The following PLXNA1 variants were observed in gnomAD, a reference collection of about 807,000 sequenced individuals.
The protein encoded by PLXNA1 is plexin-A1.
A neutral mutation model predicts 191.7 loss-of-function variants in PLXNA1; 77 were observed. The ratio of observed to expected loss-of-function variants is 0.40; its 90% CI spans 0.33 to 0.49. PLXNA1 has a LOEUF of 0.49. Among genes scored for constraint, PLXNA1 ranks in the 20% least tolerant of loss-of-function variants. The pLI is 0.63. For missense variants in PLXNA1, 2,110 were observed against 2,660.2 expected (o/e 0.79, Z 4.55); for synonymous variants, 1,137 against 1,156.4 (o/e 0.98, Z 0.34).
intron 9 of PLXNA1, among the ~76,000 whole-genome samples, chr3:127,010,552 G>A (rs2107629915): frequency 6.6e-6 from 1 of 152,362 alleles, no homozygotes; most frequent in Non-Finnish European, 1.5e-5. Context: ...CCTGGCAGAG[G>A]GCAGGGGTGG....
intron 6 of PLXNA1, 25 bp from the exon 7 acceptor site, chr3:127,005,065 A>C (rs2079059359): frequency 6.2e-7 from 1 of 1,611,076 alleles, no homozygotes; most frequent in Non-Finnish European, 8.5e-7. Flanking sequence ...GACCCTGCTC[A>C]CCATGCCTCC....
rs1286575934 is a variant in PLXNA1 at position 127,014,645 on chromosome 3, G to C, written c.2756+16G>C. The C allele has an allele frequency of 6.2e-7, 1 of 1,612,496 alleles. No individual in the cohort carries two copies. The highest frequency in any genetic ancestry group is 8.5e-7 in the Non-Finnish European group (1 of 1,179,584). On this transcript the variant is annotated intron_variant, in intron 13 of 31. Coordinates refer to ENST00000393409, the MANE Select transcript of PLXNA1 (RefSeq NM_032242.4). ...GTGCGGAGCAGTGAGTGCAGCCCTG[G>C]GTGTGTGCGGGGCGGGACGGGACGG...
intron 22 of PLXNA1, 88 bp from the exon 23 acceptor site, chr3:127,022,664 G>C (rs1015032708): frequency 8.4e-7 from 1 of 1,195,042 alleles, no homozygotes; most frequent in Non-Finnish European, 1.2e-6. Flanking sequence ...GCAGGGTGGG[G>C]TGGGATCGGT....
chr3:127,027,656 G>A (rs1559965848), intron 23 of PLXNA1: 8 of 577,250 alleles, frequency 1.4e-5, no homozygotes, highest in South Asian at 7.6e-5. Context: ...CAGGTCCCGC[G>A]TGCCACGCCA....
intron 3 of PLXNA1, 45 bp from the exon 4 acceptor site, chr3:127,003,285 G>C: frequency 6.5e-7 from 1 of 1,533,102 alleles, no homozygotes; most frequent in African/African-American, 1.4e-5. Flanking sequence ...GGCTGGGTCA[G>C]GGAGGTATCA....
rs2078975152 is a variant in PLXNA1 at position 126,988,914 on chromosome 3, C to T, written c.321C>T (p.Gly107=). The change falls in exon 2 of 32, where the codon GGC becomes GGT. Residue 107 remains glycine (G), a synonymous_variant. Coordinates refer to ENST00000393409, the MANE Select transcript of PLXNA1 (RefSeq NM_032242.4). ...PPPSVQSCPH[G]LGSTDNVNKL... ...CCAGCGTGCAGTCCTGCCCCCACGG[C>T]CTGGGCAGTACTGACAACGTCAACA... The T allele has an allele frequency of 1.9e-6, 3 of 1,613,152 alleles. No individual in the cohort carries two copies. The African/African-American group carries it at 4.0e-5, about 22-fold the overall frequency.
intron 9 of PLXNA1, among the ~76,000 whole-genome samples, chr3:127,010,694 G>A (rs1439680341): frequency 6.6e-6 from 1 of 152,192 alleles, no homozygotes; most frequent in East Asian, 1.9e-4. Flanking sequence ...GCTGGGACCT[G>A]GGTTCTGGGG....
At chr3:127,004,116 C>T (rs1282362768) in intron 4 of PLXNA1, among the ~76,000 whole-genome samples, 1 of 152,230 alleles carries the variant, frequency 6.6e-6, no homozygotes, top group Non-Finnish European at 1.5e-5. Context: ...TTCCTCTGCC[C>T]CTCCTGGGCG....
chr3:127,028,362 TG>T, intron 25 of PLXNA1, 22 bp downstream of exon 25: 1 of 1,600,730 alleles, frequency 6.2e-7, no homozygotes, highest in Non-Finnish European at 8.5e-7. Context: ...GGGCCACGGC[TG>T]CCCGGGGTGT....
Position 127,029,917 on chromosome 3 carries a change from G to A in PLXNA1, c.4914G>A (p.Ser1638=), listed in dbSNP as rs141689637. The change falls in exon 28 of 32, where the codon TCG becomes TCA. Residue 1638 remains serine, a synonymous_variant. Coordinates refer to ENST00000393409, the MANE Select transcript of PLXNA1 (RefSeq NM_032242.4). ...CCAGCAGCCCCGACAGCCTGCGCTC[G>A]CGCACGCCCATGATCACGCCCGACC... The part of the protein sequence containing the change: ...RTASSPDSLR[S]RTPMITPDLE... The A allele has an allele frequency of 4.8e-5, 78 of 1,612,988 alleles. No individual in the cohort carries two copies. Among genetic ancestry groups the A allele is most frequent in the Non-Finnish European group, 5.8e-5 (69 of 1,179,766 alleles).
Position 127,017,891 on chromosome 3 carries a change from C to G in PLXNA1, c.3659C>G (p.Thr1220Arg). Residue 1220 changes from threonine (T) to arginine (R), a missense_variant and splice_region_variant, in exon 19 of 32, where the codon ACG becomes AGG. Coordinates refer to ENST00000393409, the MANE Select transcript of PLXNA1 (RefSeq NM_032242.4). ...APNLTGQHKV[T>R]VRAGGFEFSP... ...AACCTCACTGGGCAGCACAAGGTCA[C>G]GGTGCGTCTGTCCACCGGGGGTGCA... 6.2e-7 allele frequency: 1 copy of G among 1,612,176 alleles called. No homozygotes were observed. Among genetic ancestry groups the G allele is most frequent in the Non-Finnish European group, 8.5e-7 (1 of 1,179,984 alleles).
At chr3:127,021,410 C>T (rs73861747) in intron 21 of PLXNA1, among the ~76,000 whole-genome samples, 4,863 of 152,258 alleles carry the variant, frequency 0.032, 248 homozygotes, top group African/African-American at 0.11. Context: ...TGGGCTCTGC[C>T]TAATAGGGAA....
At chr3:126,994,595 G>C (rs1445448348) in intron 3 of PLXNA1, among the ~76,000 whole-genome samples, 2 of 152,178 alleles carry the variant, frequency 1.3e-5, no homozygotes, top group Admixed American at 6.5e-5. Flanking sequence ...ACTCCAGTGC[G>C]AGGCCTCTGG....
intron 1 of PLXNA1, among the ~76,000 whole-genome samples, 172 bp downstream of exon 1, chr3:126,983,459 C>G (rs2078941020): frequency 6.8e-6 from 1 of 146,074 alleles, no homozygotes; most frequent in Non-Finnish European, 1.5e-5. Context: ...CGCGTGGGGA[C>G]TGCGGCGCGC....
intron 2 of PLXNA1, among the ~76,000 whole-genome samples, chr3:126,990,063 C>T (rs1205941203): frequency 6.6e-6 from 1 of 152,248 alleles, no homozygotes; most frequent in Non-Finnish European, 1.5e-5. Flanking sequence ...TAGTCCACAG[C>T]CCCTGTGGGA....
Position 127,016,581 on chromosome 3 carries a change from A to G in PLXNA1, c.3079A>G (p.Ile1027Val), listed in dbSNP as rs147142964. ...GCAGAGCCCTGGCAGCGCTCCCATC[A>G]TCATCAACATCAACCGCGCCCAGCT... Reference protein sequence around the residue: ...PGQSPGSAPIIININRAQLTN... With the variant: ...PGQSPGSAPIVININRAQLTN... The change falls in exon 16 of 32, where the codon ATC becomes GTC. Residue 1027 changes from isoleucine (I) to valine (V), a missense_variant. By Grantham distance (29) the Ile-to-Val change is conservative. Coordinates refer to ENST00000393409, the MANE Select transcript of PLXNA1 (RefSeq NM_032242.4). 20 of 1,613,850 alleles carry G rather than the reference A, an allele frequency of 1.2e-5. No individual in the cohort carries two copies. In the African/African-American group the frequency reaches 2.1e-4, roughly 17 times the overall value.
intron 19 of PLXNA1, 55 bp downstream of exon 19, chr3:127,017,947 C>A (rs995096573): frequency 3.1e-6 from 5 of 1,596,546 alleles, no homozygotes; most frequent in Non-Finnish European, 4.3e-6. Context: ...CACCTGTGGA[C>A]CCTGCCCCAC....
chr3:127,002,058 C>T (rs149346557), intron 3 of PLXNA1, among the ~76,000 whole-genome samples: 200 of 152,358 alleles, frequency 1.3e-3, no homozygotes, highest in East Asian at 5.8e-3. Context: ...GCACTTGGTG[C>T]GGGTGTGGGT....
chr3:127,024,208 C>G (rs2107636109), intron 23 of PLXNA1, among the ~76,000 whole-genome samples: 1 of 152,320 alleles, frequency 6.6e-6, no homozygotes, highest in Middle Eastern at 3.4e-3. Context: ...TCCACACCCA[C>G]AGAGACAGGG....
Sources: allele counts gnomAD v4.1 joint callset (sites outside exome capture counted in the v4.1 genomes callset), GRCh38; gene constraint gnomAD v4.1.1; transcripts MANE v1.5; gene names NCBI Gene and HGNC (gene_info 2026-07-23, HGNC 2026-07-21).